Variants in DEFB119 observed in about 807,000 individuals in gnomAD.
DEFB119 encodes the protein defensin beta 119.
DEFB119 carries 3 observed loss-of-function variants against 2.5 expected under a neutral mutation model. That is an observed-to-expected ratio of 1.19 (90% CI 0.54 to 3.07). The LOEUF (loss-of-function observed/expected upper bound fraction) is 3.07. DEFB119 is among the 30% of genes most tolerant of loss of function. The pLI is 0.03. For synonymous variants in DEFB119, 29 were observed against 33.7 expected (o/e 0.86, Z 0.48); for missense variants, 113 against 101.1 (o/e 1.12, Z -0.50).
intron 1 of DEFB119, among the ~76,000 whole-genome samples, chr20:31,384,857 C>T (rs957465158): frequency 6.6e-6 from 1 of 152,172 alleles, no homozygotes. Context: ...TGATCATTAT[C>T]ATTCTTTTCT....
At chr20:31,387,608 A>AT (rs1162058144) in intron 1 of DEFB119, among the ~76,000 whole-genome samples, 1 of 152,064 alleles carries the variant, frequency 6.6e-6, no homozygotes, top group Non-Finnish European at 1.5e-5. Context: ...CTTCTCACCC[A>AT]TCCCTAGCTC....
chr20:31,387,705 G>A (rs1302553756), intron 1 of DEFB119, among the ~76,000 whole-genome samples: 1 of 152,122 alleles, frequency 6.6e-6, no homozygotes, highest in Admixed American at 6.5e-5. Context: ...CTCCAGGGAG[G>A]GACCTTGAGG....
At chr20:31,388,546 A>G (rs1156762502) in intron 1 of DEFB119, among the ~76,000 whole-genome samples, 2 of 152,216 alleles carry the variant, frequency 1.3e-5, no homozygotes, top group Non-Finnish European at 2.9e-5. Context: ...CATGTGCTTT[A>G]TCTTTTTTTA....
At chr20:31,378,672 T>A (rs1986393165) in intron 1 of DEFB119, among the ~76,000 whole-genome samples, 1 of 152,200 alleles carries the variant, frequency 6.6e-6, no homozygotes, top group Non-Finnish European at 1.5e-5. Flanking sequence ...ATTTTGGTTG[T>A]TTCCAGGTCT....
At chr20:31,389,328 G>A (rs1173631878) in intron 1 of DEFB119, 13 of 1,531,774 alleles carry the variant, frequency 8.5e-6, no homozygotes, top group African/African-American at 2.7e-5. Context: ...GGGAAGAAGA[G>A]AAGAAAGCCA....
chr20:31,387,998 T>C (rs1986775793), intron 1 of DEFB119: 3 of 912,424 alleles, frequency 3.3e-6, no homozygotes, highest in South Asian at 1.0e-4. Context: ...CCATGAACCA[T>C]GCTTTACCGA....
At chr20:31,384,074 T>C (rs181107991) in intron 1 of DEFB119, among the ~76,000 whole-genome samples, 221 of 152,242 alleles carry the variant, frequency 1.5e-3, no homozygotes, top group African/African-American at 5.2e-3. Flanking sequence ...AGTATGAAAA[T>C]GGACTAATAC....
chr20:31,389,922 G>C (rs528379577), intron 1 of DEFB119, among the ~76,000 whole-genome samples: 1 of 151,798 alleles, frequency 6.6e-6, no homozygotes, highest in East Asian at 1.9e-4. Context: ...ATCCAGCACC[G>C]ACTCCCAGCC....
chr20:31,389,239 C>T (rs1174394621), intron 1 of DEFB119: 1 of 1,614,032 alleles, frequency 6.2e-7, no homozygotes, highest in South Asian at 1.1e-5. Flanking sequence ...TACTTTGGGG[C>T]ATATGAACAA....
At chr20:31,383,983 A>T (rs569184257) in intron 1 of DEFB119, among the ~76,000 whole-genome samples, 85 of 151,942 alleles carry the variant, frequency 5.6e-4, no homozygotes, top group Middle Eastern at 3.4e-3. Context: ...TGACTGTGAG[A>T]CCTCCCAGCC....
intron 1 of DEFB119, chr20:31,378,279 A>G: frequency 6.2e-7 from 1 of 1,611,586 alleles, no homozygotes; most frequent in South Asian, 1.1e-5. Flanking sequence ...TGGAGGCCAC[A>G]CGGGGAACAG....
chr20:31,389,278 G>T (rs766685958), intron 1 of DEFB119: 1 of 1,610,932 alleles, frequency 6.2e-7, no homozygotes, highest in Non-Finnish European at 8.5e-7. Flanking sequence ...TATCCCTCAA[G>T]CGGAGAGAAA....
chr20:31,384,447 A>G (rs1986615387), intron 1 of DEFB119, among the ~76,000 whole-genome samples: 1 of 152,196 alleles, frequency 6.6e-6, no homozygotes, highest in Non-Finnish European at 1.5e-5. Context: ...TAAAAATAAA[A>G]CAACTTTTAA....
intron 1 of DEFB119, among the ~76,000 whole-genome samples, chr20:31,384,566 G>T (rs1986620662): frequency 6.6e-6 from 1 of 152,154 alleles, no homozygotes; most frequent in South Asian, 2.1e-4. Flanking sequence ...TATGGTATGG[G>T]AAATCAAATC....
At chr20:31,386,516 C>G (rs1233245273) in intron 1 of DEFB119, among the ~76,000 whole-genome samples, 1 of 152,190 alleles carries the variant, frequency 6.6e-6, no homozygotes, top group East Asian at 1.9e-4. Context: ...TCATTTGTGG[C>G]AACATAGATG....
At chr20:31,381,514 A>G (rs927996081) in intron 1 of DEFB119, among the ~76,000 whole-genome samples, 6 of 152,210 alleles carry the variant, frequency 3.9e-5, no homozygotes, top group African/African-American at 1.4e-4. Context: ...GATGGATCTC[A>G]AGAGCATAAT....
chr20:31,381,582 G>T (rs902666761), intron 1 of DEFB119, among the ~76,000 whole-genome samples: 1 of 152,232 alleles, frequency 6.6e-6, no homozygotes, highest in Non-Finnish European at 1.5e-5. Context: ...TGAGGCCAAG[G>T]CGGGAAGATC....
intron 1 of DEFB119, among the ~76,000 whole-genome samples, chr20:31,380,096 A>G (rs1276028521): frequency 6.6e-6 from 1 of 152,200 alleles, no homozygotes; most frequent in Non-Finnish European, 1.5e-5. Context: ...TGTTTCACAG[A>G]GTGAAAGTTT....
chr20:31,386,275 T>C (rs944013004), intron 1 of DEFB119, among the ~76,000 whole-genome samples: 5 of 152,128 alleles, frequency 3.3e-5, no homozygotes, highest in South Asian at 4.1e-4. Context: ...GGAACCATTT[T>C]TGGTGTTCTC....
Sources: gnomAD v4.1 joint callset for allele counts (sites outside exome capture counted in the v4.1 genomes callset) on GRCh38, gnomAD v4.1.1 for gene constraint, MANE v1.5 for transcripts, NCBI Gene and HGNC (gene_info 2026-07-23, HGNC 2026-07-21) for gene names.